The following CNTN5 variants were observed in gnomAD, a reference collection of about 807,000 sequenced individuals.
CNTN5 encodes contactin 5.
A neutral mutation model predicts 129.1 loss-of-function variants in CNTN5; 77 were observed. The ratio of observed to expected loss-of-function variants is 0.60; its 90% CI spans 0.50 to 0.72. CNTN5 has a LOEUF of 0.72. CNTN5 is among the 30% of genes least tolerant of loss of function. The probability of loss-of-function intolerance (pLI) is 0.00; values close to 1 mark genes in which losing one functional copy is unlikely to be tolerated. For synonymous variants in CNTN5, 509 were observed against 465.6 expected (o/e 1.09, Z -1.20); for missense variants, 1,478 against 1,328.8 (o/e 1.11, Z -1.75).
intron 3 of CNTN5, among the ~76,000 whole-genome samples, chr11:99,662,021 G>A (rs1421371905): frequency 1.3e-5 from 2 of 152,064 alleles, no homozygotes; most frequent in African/African-American, 4.8e-5. Context: ...AGGATGACAA[G>A]TAATACCTAC....
intron 1 of CNTN5, among the ~76,000 whole-genome samples, chr11:99,098,223 T>G (rs377695347): frequency 1.2e-4 from 19 of 152,212 alleles, no homozygotes; most frequent in African/African-American, 4.1e-4. Flanking sequence ...TTTGTTGACT[T>G]ACTTACTGAT....
chr11:99,532,002 G>C (rs1947727493), intron 2 of CNTN5, among the ~76,000 whole-genome samples: 1 of 152,016 alleles, frequency 6.6e-6, no homozygotes, highest in East Asian at 1.9e-4. Flanking sequence ...CTGAGAAGAG[G>C]GCCACTGTCC....
intron 17 of CNTN5, among the ~76,000 whole-genome samples, chr11:100,259,248 A>T (rs1193741953): frequency 2.0e-5 from 3 of 152,196 alleles, no homozygotes; most frequent in Non-Finnish European, 2.9e-5. Context: ...AGAGCTAACT[A>T]TCCTAAATAT....
chr11:100,272,996 C>T (rs1950434486), intron 18 of CNTN5, among the ~76,000 whole-genome samples: 1 of 152,104 alleles, frequency 6.6e-6, no homozygotes. Flanking sequence ...CGATTTGCTC[C>T]ATAGGAGACT....
At chr11:99,911,102 A>G (rs899495683) in intron 6 of CNTN5, among the ~76,000 whole-genome samples, 1 of 152,100 alleles carries the variant, frequency 6.6e-6, no homozygotes, top group African/African-American at 2.4e-5. Context: ...AAATGTAATT[A>G]ATGAAACTTT....
chr11:99,320,751 A>G (rs1267147160), intron 1 of CNTN5, among the ~76,000 whole-genome samples: 2 of 152,200 alleles, frequency 1.3e-5, no homozygotes, highest in Non-Finnish European at 2.9e-5. Context: ...GGGTGATGTA[A>G]GGTTAAGACA....
At chr11:99,688,877 G>A (rs1396103803) in intron 3 of CNTN5, among the ~76,000 whole-genome samples, 1 of 152,002 alleles carries the variant, frequency 6.6e-6, no homozygotes, top group Non-Finnish European at 1.5e-5. Context: ...CTGTTCCTGG[G>A]TTAGTTTGCT....
chr11:99,787,401 ATTT>A (rs1945571189), intron 3 of CNTN5, among the ~76,000 whole-genome samples: 1 of 151,648 alleles, frequency 6.6e-6, no homozygotes, highest in African/African-American at 2.4e-5. Flanking sequence ...TATTTAAAAT[ATTT>A]TTTAAAACAT....
At chr11:99,165,893 A>T (rs1860842776) in intron 1 of CNTN5, among the ~76,000 whole-genome samples, 1 of 152,166 alleles carries the variant, frequency 6.6e-6, no homozygotes, top group African/African-American at 2.4e-5. Context: ...ATTGACTTAG[A>T]CCCGTCATCT....
At chr11:99,233,624 C>T (rs1472044184) in intron 1 of CNTN5, among the ~76,000 whole-genome samples, 2 of 152,084 alleles carry the variant, frequency 1.3e-5, no homozygotes, top group Non-Finnish European at 2.9e-5. Context: ...ATAAAATATA[C>T]ATTTAAATTT....
At chr11:99,750,924 G>C (rs1273680006) in intron 3 of CNTN5, among the ~76,000 whole-genome samples, 1 of 152,144 alleles carries the variant, frequency 6.6e-6, no homozygotes, top group East Asian at 1.9e-4. Context: ...AACTATTTTG[G>C]CTTTGGAGTT....
At chr11:100,108,156 G>A (rs1591259414) in intron 13 of CNTN5, among the ~76,000 whole-genome samples, 1 of 151,914 alleles carries the variant, frequency 6.6e-6, no homozygotes, top group East Asian at 1.9e-4. Flanking sequence ...GCTGAGAACG[G>A]CACCTGATCT....
intron 1 of CNTN5, among the ~76,000 whole-genome samples, chr11:99,291,349 A>G (rs1214225116): frequency 6.6e-6 from 1 of 151,870 alleles, no homozygotes; most frequent in Admixed American, 6.6e-5. Flanking sequence ...TCATATCTTT[A>G]TTACACTGGA....
At chr11:99,931,305 C>G (rs1950186955) in intron 7 of CNTN5, among the ~76,000 whole-genome samples, 1 of 152,078 alleles carries the variant, frequency 6.6e-6, no homozygotes, top group African/African-American at 2.4e-5. Context: ...GTTTTTTAAA[C>G]TATCTGACAA....
intron 3 of CNTN5, among the ~76,000 whole-genome samples, chr11:99,571,432 G>C (rs190538642): frequency 6.6e-6 from 1 of 152,264 alleles, no homozygotes; most frequent in African/African-American, 2.4e-5. Flanking sequence ...AATGGAAACA[G>C]ATAATCACAA....
chr11:99,251,161 A>G (rs1838368076), intron 1 of CNTN5, among the ~76,000 whole-genome samples: 1 of 151,936 alleles, frequency 6.6e-6, no homozygotes, highest in African/African-American at 2.4e-5. Context: ...ATTGGAAACA[A>G]AAGTCATCTA....
At chr11:99,361,267 C>A (rs1939091950) in intron 2 of CNTN5, among the ~76,000 whole-genome samples, 1 of 152,126 alleles carries the variant, frequency 6.6e-6, no homozygotes, top group Admixed American at 6.6e-5. Flanking sequence ...GCTCCATTCA[C>A]TTTAAAATTC....
At chr11:99,235,437 T>C (rs1861215690) in intron 1 of CNTN5, among the ~76,000 whole-genome samples, 1 of 152,072 alleles carries the variant, frequency 6.6e-6, no homozygotes, top group Admixed American at 6.5e-5. Flanking sequence ...ATGAGATACA[T>C]AGTTTAGCAT....
At chr11:99,893,549 C>A (rs1446472518) in intron 6 of CNTN5, among the ~76,000 whole-genome samples, 1 of 152,066 alleles carries the variant, frequency 6.6e-6, no homozygotes, top group Non-Finnish European at 1.5e-5. Flanking sequence ...CACAATAATA[C>A]CTAAAGCACT....
Sources: gnomAD v4.1 joint callset for allele counts (sites outside exome capture counted in the v4.1 genomes callset) on GRCh38, gnomAD v4.1.1 for gene constraint, MANE v1.5 for transcripts, NCBI Gene and HGNC (gene_info 2026-07-23, HGNC 2026-07-21) for gene names.